Variants in MED13 observed in about 807,000 individuals in gnomAD.
The protein encoded by MED13 is mediator complex subunit 13, also known as mediator of RNA polymerase II transcription subunit 13.
In MED13, 23 loss-of-function variants were observed where a neutral mutation model predicts 225.2. The observed-to-expected ratio is 0.10, with a 90% CI of 0.07 to 0.14. MED13 has a LOEUF of 0.14. Among genes scored for constraint, MED13 ranks in the 10% least tolerant of loss-of-function variants. The probability of loss-of-function intolerance (pLI) is 1.00; values close to 1 mark genes in which losing one functional copy is unlikely to be tolerated. For missense variants in MED13, 2,197 were observed against 2,594.5 expected (o/e 0.85, Z 3.33); for synonymous variants, 942 against 889.2 (o/e 1.06, Z -1.06).
At chr17:61,995,540 T>A (rs745623928) in intron 9 of MED13, among the ~76,000 whole-genome samples, 175 bp from the exon 10 acceptor site, 7 of 152,228 alleles carry the variant, frequency 4.6e-5, no homozygotes, top group Non-Finnish European at 7.3e-5. Context: ...GTCTAAAATT[T>A]AGCCATAGAG....
At chr17:61,959,382 T>C (rs972013930) in intron 23 of MED13, among the ~76,000 whole-genome samples, 1 of 152,114 alleles carries the variant, frequency 6.6e-6, no homozygotes, top group Non-Finnish European at 1.5e-5. Context: ...TAATACTATT[T>C]TGATAATGAA....
rs201882198 is a variant in MED13 at position 61,955,633 on chromosome 17, T to G, written c.5782+47A>C. ...TAAATTGTATATAATACTTAAAAAC[T>G]TAACTGCATAAAGAATTAAATCTGA... On this transcript the variant is annotated intron_variant, in intron 25 of 29. Transcript: ENST00000397786. 167 of 1,562,034 alleles carry G rather than the reference T, an allele frequency of 1.1e-4. No individual in the cohort carries two copies. The African/African-American group carries it at 1.2e-3, about 11-fold the overall frequency.
At chr17:62,011,668 C>A (rs2080510503) in intron 8 of MED13, among the ~76,000 whole-genome samples, 2 of 152,230 alleles carry the variant, frequency 1.3e-5, no homozygotes, top group African/African-American at 2.4e-5. Flanking sequence ...CACCTACAAT[C>A]CTACAGCAAC....
chr17:61,966,564 A>G lies in MED13; in HGVS notation c.4279T>C (p.Ser1427Pro). The G allele has an allele frequency of 2.5e-6, 4 of 1,613,994 alleles. No individual in the cohort carries two copies. The highest frequency in any genetic ancestry group is 3.4e-6 in the Non-Finnish European group (4 of 1,179,890). The change falls in exon 19 of 30, where the codon TCA becomes CCA. Residue 1427 changes from serine to proline, a missense_variant. By Grantham distance (74) the Ser-to-Pro change is moderately conservative. Coordinates refer to ENST00000397786, the MANE Select transcript of MED13 (RefSeq NM_005121.3). Reference sequence around the variant, plus strand: ...AACCATTCTGCTACCAACTTTTCTGATAGTTTCTTTGATGCAGTAGATCCA... The same window carrying G: ...AACCATTCTGCTACCAACTTTTCTGGTAGTTTCTTTGATGCAGTAGATCCA... The part of the protein sequence containing the change: ...RVGSTASKKL[S>P]EKLVAEWFSQ...
At chr17:61,977,284 T>TA (rs2080165354) in intron 16 of MED13, among the ~76,000 whole-genome samples, 1 of 152,176 alleles carries the variant, frequency 6.6e-6, no homozygotes, top group East Asian at 1.9e-4. Context: ...GAGAAGATGA[T>TA]ATCTGACAAG....
rs546726766 is a variant in MED13, at chr17:61,943,470, C to T, written c.*2998G>A. The T allele has an allele frequency of 1.1e-4, 16 of 152,380 alleles. No homozygotes were observed. The highest frequency in any genetic ancestry group is 3.9e-4 in the Admixed American group (6 of 15,254). 9.4% of individuals were successfully genotyped at this position (152,380 alleles called of 1,614,324 possible). On this transcript the variant is annotated 3_prime_UTR_variant, in exon 30 of 30. Transcript: ENST00000397786. ...TTACCTCAGAAGGTAAATATGAAGACGAAAGGAGAATATTTTAATACAGTA... is the reference window on the plus strand; with the variant it reads ...TTACCTCAGAAGGTAAATATGAAGATGAAAGGAGAATATTTTAATACAGTA...
rs370480437 is a variant in MED13, at chr17:62,033,831, A to G, written c.770T>C (p.Met257Thr). The stretch of plus-strand genomic sequence containing the variant: ...AGCTAAAGAATCATCTTCCCAATCC[A>G]TATCTTCCTGTTTTTCTTCAGACAT... ...KEMSEEKQED[M>T]DWEDDSLAAV... Residue 257 changes from methionine (M) to threonine (T), a missense_variant, in exon 5 of 30, where the codon ATG becomes ACG. Around this residue, in one of 12 missense-constraint regions of MED13, gnomAD observed 884 missense variants for 918.5 expected, o/e 0.96. Transcript: ENST00000397786. 1.9e-5 allele frequency: 31 copies of G among 1,613,998 alleles called. No individual in the cohort carries two copies. The highest frequency in any genetic ancestry group is 5.3e-5 in the African/African-American group (4 of 74,926).
chr17:61,970,358 C>T (rs2080096073), intron 17 of MED13, among the ~76,000 whole-genome samples: 1 of 152,010 alleles, frequency 6.6e-6, no homozygotes, highest in African/African-American at 2.4e-5. Flanking sequence ...TTTGGGAAAA[C>T]AGGCACTTTA....
At chr17:62,003,144 G>C (rs541138900) in intron 9 of MED13, among the ~76,000 whole-genome samples, 7 of 151,938 alleles carry the variant, frequency 4.6e-5, no homozygotes, top group Non-Finnish European at 8.8e-5. Flanking sequence ...GAATCATCCA[G>C]ATGATTATTT....
intron 16 of MED13, among the ~76,000 whole-genome samples, chr17:61,975,342 CACATGA>C (rs1352474363): frequency 1.3e-5 from 2 of 152,028 alleles, no homozygotes; most frequent in Non-Finnish European, 2.9e-5. Context: ...GGACAACAAG[CACATGA>C]AACAATCTTC....
At chr17:62,015,946 ATATATATATTTTTTTTTTTT>A (rs2080571615) in intron 8 of MED13, among the ~76,000 whole-genome samples, 1 of 13,594 alleles carries the variant, frequency 7.4e-5, no homozygotes, top group African/African-American at 2.4e-4. Flanking sequence ...ATATATATAT[ATATATATATTTTTTTTTTTT>A]TTTTTTTTTT....
intron 3 of MED13, among the ~76,000 whole-genome samples, chr17:62,037,542 C>T (rs1163402866): frequency 2.6e-5 from 4 of 151,148 alleles, no homozygotes; most frequent in Admixed American, 1.3e-4. Flanking sequence ...TGGTATGCGC[C>T]TGTAATCCCA....
intron 3 of MED13, among the ~76,000 whole-genome samples, chr17:62,048,319 C>T (rs1055840496): frequency 4.9e-5 from 7 of 142,858 alleles, no homozygotes; most frequent in Non-Finnish European, 3.0e-5. Context: ...GCATGAGAAC[C>T]GCTTGAACCT....
chr17:62,008,953 T>C (rs1448092530), intron 9 of MED13, among the ~76,000 whole-genome samples: 1 of 152,074 alleles, frequency 6.6e-6, no homozygotes, highest in Non-Finnish European at 1.5e-5. Flanking sequence ...AAATCGATAA[T>C]GAAAATGTGA....
intron 3 of MED13, among the ~76,000 whole-genome samples, chr17:62,050,304 G>A (rs1377285484): frequency 4.0e-5 from 6 of 151,502 alleles, no homozygotes; most frequent in Non-Finnish European, 7.4e-5. Context: ...GTTGCAGTGA[G>A]CCGAGATCAT....
At chr17:61,980,114 G>A (rs575669214) in intron 16 of MED13, among the ~76,000 whole-genome samples, 16 of 152,070 alleles carry the variant, frequency 1.1e-4, no homozygotes, top group Non-Finnish European at 2.4e-4. Flanking sequence ...GCTTGAACCC[G>A]GGAGGTGGAG....
In MED13 at chr17:62,063,318, A is replaced by G. The variant is rs766406800; in HGVS notation, c.67-17T>C. 29 of 1,533,406 alleles carry G rather than the reference A, an allele frequency of 1.9e-5. No homozygotes were observed. The highest frequency in any genetic ancestry group is 2.6e-5 in the Non-Finnish European group (29 of 1,110,680). 95.0% of individuals were successfully genotyped at this position (1,533,406 alleles called of 1,614,324 possible). ...CAAGTCAGCCTGAAGGAAAGAAAGC[A>G]TTAAGTTTTATTACTGCATATTCAC... is the stretch of plus-strand genomic sequence containing the variant. On this transcript the variant is annotated splice_polypyrimidine_tract_variant and intron_variant, in intron 1 of 29. Transcript: ENST00000397786.
At chr17:62,045,566 A>G (rs1256246397) in intron 3 of MED13, among the ~76,000 whole-genome samples, 1 of 152,158 alleles carries the variant, frequency 6.6e-6, no homozygotes, top group Non-Finnish European at 1.5e-5. Flanking sequence ...ATCTTTTTCA[A>G]ATGCACTCTC....
intron 8 of MED13, chr17:62,029,274 G>C (rs1313889917): frequency 2.1e-6 from 1 of 468,554 alleles, no homozygotes; most frequent in Non-Finnish European, 3.8e-6. Flanking sequence ...ATATACCATA[G>C]CTCCATATAA....
Sources: allele counts gnomAD v4.1 joint callset (sites outside exome capture counted in the v4.1 genomes callset), GRCh38; gene constraint gnomAD v4.1.1; regional missense constraint gnomAD v4.1.1; transcripts MANE v1.5; gene names NCBI Gene and HGNC (gene_info 2026-07-23, HGNC 2026-07-21).